The following MACROD2 variants were observed in gnomAD, a reference collection of about 807,000 sequenced individuals.
MACROD2 encodes the protein ADP-ribose glycohydrolase MACROD2.
Under a neutral mutation model 70.4 loss-of-function variants are expected in MACROD2, and 36 were observed. The ratio of observed to expected loss-of-function variants is 0.51; its 90% confidence interval spans 0.39 to 0.68. The LOEUF (loss-of-function observed/expected upper bound fraction) is 0.68, where lower values mean the gene tolerates loss of function less well. Among genes scored for constraint, MACROD2 ranks in the 30% least tolerant of loss-of-function variants. The pLI is 0.00. For synonymous variants in MACROD2, 172 were observed against 178.8 expected (o/e 0.96, Z 0.30); for missense variants, 496 against 538.4 (o/e 0.92, Z 0.78).
chr20:15,021,904 G>A (rs531253314), intron 5 of MACROD2, among the ~76,000 whole-genome samples: 106 of 152,110 alleles, frequency 7.0e-4, no homozygotes, highest in African/African-American at 2.5e-3. Flanking sequence ...AATGCAAGAT[G>A]CTAATAATAC....
At chr20:14,767,518 G>A (rs1164180416) in intron 5 of MACROD2, among the ~76,000 whole-genome samples, 1 of 151,594 alleles carries the variant, frequency 6.6e-6, no homozygotes, top group Non-Finnish European at 1.5e-5. Flanking sequence ...AAACAGAATG[G>A]GTTTGACTCA....
At chr20:15,008,984 G>T (rs759906275) in intron 5 of MACROD2, among the ~76,000 whole-genome samples, 1 of 152,044 alleles carries the variant, frequency 6.6e-6, no homozygotes, top group South Asian at 2.1e-4. Flanking sequence ...GCAGTTATAT[G>T]TAATTGGCTG....
chr20:15,336,792 T>G (rs1292407277), intron 6 of MACROD2, among the ~76,000 whole-genome samples: 1 of 151,672 alleles, frequency 6.6e-6, no homozygotes, highest in Non-Finnish European at 1.5e-5. Flanking sequence ...ACCGTAACAC[T>G]GTTGCTTTAA....
At chr20:14,541,924 A>G (rs937022524) in intron 4 of MACROD2, among the ~76,000 whole-genome samples, 3 of 152,226 alleles carry the variant, frequency 2.0e-5, no homozygotes, top group African/African-American at 7.2e-5. Flanking sequence ...CAAGTCATCA[A>G]ATGGCATGAA....
chr20:14,065,158 G>A (rs1462351306), intron 2 of MACROD2, among the ~76,000 whole-genome samples: 1 of 152,160 alleles, frequency 6.6e-6, no homozygotes, highest in Non-Finnish European at 1.5e-5. Context: ...GTAACAGAAA[G>A]CTATAGACTT....
At chr20:15,001,922 C>A (rs956179660) in intron 5 of MACROD2, among the ~76,000 whole-genome samples, 1 of 151,746 alleles carries the variant, frequency 6.6e-6, no homozygotes, top group African/African-American at 2.4e-5. Context: ...TTTGCATCCT[C>A]ATAGCTTAGC....
chr20:14,605,860 A>G (rs945732584), intron 4 of MACROD2, among the ~76,000 whole-genome samples: 1 of 152,186 alleles, frequency 6.6e-6, no homozygotes, highest in African/African-American at 2.4e-5. Context: ...TTTTAAAGAA[A>G]AGCCAATAGA....
intron 5 of MACROD2, among the ~76,000 whole-genome samples, chr20:15,008,655 C>G (rs933594317): frequency 2.0e-5 from 3 of 152,044 alleles, no homozygotes; most frequent in African/African-American, 7.2e-5. Flanking sequence ...GACTGTTCCC[C>G]CCTTACATAA....
chr20:15,843,265 A>G (rs2064194257), intron 8 of MACROD2, among the ~76,000 whole-genome samples: 2 of 152,212 alleles, frequency 1.3e-5, no homozygotes, highest in Non-Finnish European at 2.9e-5. Context: ...AACAAGTTCA[A>G]AGAAGGCAGG....
At chr20:14,669,068 A>G (rs891866106) in intron 4 of MACROD2, among the ~76,000 whole-genome samples, 1 of 152,140 alleles carries the variant, frequency 6.6e-6, no homozygotes, top group Non-Finnish European at 1.5e-5. Flanking sequence ...TTCTGCTCCT[A>G]AGTTATTTCT....
intron 3 of MACROD2, among the ~76,000 whole-genome samples, chr20:14,431,259 G>A (rs888864067): frequency 6.6e-6 from 1 of 152,076 alleles, no homozygotes; most frequent in Admixed American, 6.6e-5. Context: ...GGCATACAGA[G>A]GCTTAACAGT....
intron 5 of MACROD2, among the ~76,000 whole-genome samples, chr20:15,191,571 A>T (rs116267982): frequency 9.3e-4 from 142 of 152,318 alleles, no homozygotes; most frequent in Non-Finnish European, 1.7e-3. Context: ...CCATAAGATG[A>T]TCAACACAAA....
At chr20:15,391,173 C>A (rs2045787434) in intron 6 of MACROD2, among the ~76,000 whole-genome samples, 1 of 152,156 alleles carries the variant, frequency 6.6e-6, no homozygotes, top group Non-Finnish European at 1.5e-5. Flanking sequence ...AAGACTCCTG[C>A]CTGCTTCTGA....
intron 4 of MACROD2, among the ~76,000 whole-genome samples, chr20:14,651,119 G>A (rs1430949579): frequency 6.6e-6 from 1 of 152,166 alleles, no homozygotes; most frequent in Non-Finnish European, 1.5e-5. Context: ...AGAATTAAAT[G>A]TCATTAAATA....
chr20:15,884,597 G>C lies in MACROD2; in HGVS notation c.728-1167G>C, dbSNP rs116850142. 4.5e-3 allele frequency among the ~76,000 whole-genome samples: 681 copies of C among 152,116 alleles called. 2 individuals carry two copies. The highest frequency in any genetic ancestry group is 7.1e-3 in the Non-Finnish European group (480 of 67,962). On this transcript the variant is annotated intron_variant, in intron 9 of 17. Coordinates refer to ENST00000684519, the MANE Select transcript of MACROD2 (RefSeq NM_001351661.2). The stretch of plus-strand genomic sequence containing the variant: ...TGTAAAAGGAGTGAGATACAGGAGA[G>C]AGAAAAAGAGAGGAGCAGTTAGGAA...
intron 15 of MACROD2, among the ~76,000 whole-genome samples, chr20:16,033,160 C>A (rs1354088062): frequency 6.6e-6 from 1 of 151,972 alleles, no homozygotes; most frequent in Non-Finnish European, 1.5e-5. Flanking sequence ...GACCAATTTA[C>A]CTATAGTAAA....
intron 5 of MACROD2, among the ~76,000 whole-genome samples, chr20:14,861,984 T>TATAA (rs1555839487): frequency 3.3e-5 from 2 of 60,006 alleles, no homozygotes; most frequent in African/African-American, 7.2e-5. Flanking sequence ...TAAATATATA[T>TATAA]ATATATATTT....
intron 8 of MACROD2, among the ~76,000 whole-genome samples, chr20:15,610,162 C>T (rs1030078843): frequency 1.3e-5 from 2 of 152,222 alleles, no homozygotes; most frequent in African/African-American, 2.4e-5. Flanking sequence ...ATTGAACTTC[C>T]GTTTGCTGGG....
At chr20:15,827,848 G>T (rs2064014216) in intron 8 of MACROD2, among the ~76,000 whole-genome samples, 1 of 152,222 alleles carries the variant, frequency 6.6e-6, no homozygotes, top group South Asian at 2.1e-4. Context: ...CAGCAATGGA[G>T]CAAGTTCACC....
Sources: gnomAD v4.1 joint callset for allele counts (sites outside exome capture counted in the v4.1 genomes callset) on GRCh38, gnomAD v4.1.1 for gene constraint, MANE v1.5 for transcripts, NCBI Gene and HGNC (gene_info 2026-07-23, HGNC 2026-07-21) for gene names.